The following HS1BP3 variants were observed in gnomAD, a reference collection of about 807,000 sequenced individuals.
HS1BP3 encodes the protein HCLS1-binding protein 3.
HS1BP3 carries 32 observed loss-of-function variants against 33.5 expected under a neutral mutation model. The ratio of observed to expected loss-of-function variants is 0.95; its 90% CI spans 0.72 to 1.28. The LOEUF is 1.28. Among genes scored for constraint, HS1BP3 ranks in the 50% most tolerant of loss-of-function variants. HS1BP3 has a pLI of 0.00. For missense variants in HS1BP3, 486 were observed against 502.3 expected, an observed-to-expected ratio of 0.97 and a Z score of 0.31; for synonymous variants, 187 against 209.2, an observed-to-expected ratio of 0.89 and a Z score of 0.92.
chr2:20,565,122 G>C (rs1051690692), intron 5 of HS1BP3, among the ~76,000 whole-genome samples: 1 of 152,190 alleles, frequency 6.6e-6, no homozygotes, highest in Non-Finnish European at 1.5e-5. Context: ...AACAGTCTCT[G>C]TGGGAAGACA....
intron 3 of HS1BP3, chr2:20,598,108 G>A (rs1693984813): frequency 6.0e-6 from 1 of 165,968 alleles, no homozygotes; most frequent in African/African-American, 2.4e-5. Flanking sequence ...TGGAGATGGA[G>A]GGATGGTTTC....
At chr2:20,569,534 T>C (rs1316787265) in intron 5 of HS1BP3, among the ~76,000 whole-genome samples, 7 of 152,254 alleles carry the variant, frequency 4.6e-5, no homozygotes, top group African/African-American at 7.2e-5. Context: ...CAGGCAATAT[T>C]TGAAACATAC....
the HS1BP3 span, among the ~76,000 whole-genome samples, chr2:20,554,676 C>T: frequency 6.7e-6 from 1 of 149,660 alleles, no homozygotes; most frequent in Non-Finnish European, 1.5e-5. Context: ...TGCACTCAAG[C>T]CTGAACAACA....
chr2:20,570,091 C>T (rs192627557), intron 5 of HS1BP3, among the ~76,000 whole-genome samples: 14 of 152,312 alleles, frequency 9.2e-5, no homozygotes, highest in African/African-American at 2.6e-4. Flanking sequence ...CCCCTAACCC[C>T]GGCCACAAGC....
chr2:20,646,803 G>A (rs1036110518), intron 1 of HS1BP3, among the ~76,000 whole-genome samples: 4 of 152,206 alleles, frequency 2.6e-5, no homozygotes, highest in South Asian at 2.1e-4. Flanking sequence ...GAGGGGAGAC[G>A]CGCTGGGCTC....
intron 5 of HS1BP3, among the ~76,000 whole-genome samples, chr2:20,580,303 C>T (rs1366866161): frequency 6.6e-6 from 1 of 152,162 alleles, no homozygotes; most frequent in Non-Finnish European, 1.5e-5. Context: ...TGGATTGCCT[C>T]AGCTCAGAAG....
chr2:20,610,114 C>G (rs1345945520), intron 2 of HS1BP3, among the ~76,000 whole-genome samples: 1 of 152,074 alleles, frequency 6.6e-6, no homozygotes, highest in South Asian at 2.1e-4. Context: ...TACAAAGTCC[C>G]CACATGCCTC....
chr2:20,563,206 C>T (rs138683343), intron 5 of HS1BP3, among the ~76,000 whole-genome samples: 1 of 152,358 alleles, frequency 6.6e-6, no homozygotes, highest in East Asian at 1.9e-4. Flanking sequence ...TCCTCACCTG[C>T]TCTGAACCCC....
chr2:20,606,533 C>T lies in HS1BP3; in HGVS notation c.179-8268G>A, dbSNP rs78772179. ...CAAAACTAAGTTATTGGGCTTGTCC[C>T]GAACTATGTCTTTGGAGCACTTCTT... On this transcript the variant is annotated intron_variant, in intron 2 of 3. Coordinates refer to the HS1BP3 transcript ENST00000415264. The T allele has an allele frequency of 2.9e-3, 1,387 of 479,232 alleles. 10 individuals carry two copies. Among genetic ancestry groups the T allele is most frequent in the African/African-American group, 0.023 (1,177 of 50,650 alleles). 29.7% of individuals were successfully genotyped at this position (479,232 alleles called of 1,614,324 possible).
At chr2:20,644,211 C>T (rs1695448880) in intron 2 of HS1BP3, among the ~76,000 whole-genome samples, 1 of 152,142 alleles carries the variant, frequency 6.6e-6, no homozygotes, top group Non-Finnish European at 1.5e-5. Flanking sequence ...GATCTCAACC[C>T]TCTTGAAATT....
At position 20,624,045 on chromosome 2, in the gene HS1BP3, G is replaced by C; in HGVS notation, c.785-14C>G. ...ATAGCTTCAGGGCTGTGGGAAGGCAGCAGCAGGGGGGTCAGAGGAAGCCTC... is the reference window on the plus strand; with the variant it reads ...ATAGCTTCAGGGCTGTGGGAAGGCACCAGCAGGGGGGTCAGAGGAAGCCTC... On this transcript the variant is annotated splice_polypyrimidine_tract_variant and intron_variant, in intron 5 of 6. Coordinates refer to ENST00000304031, the MANE Select transcript of HS1BP3 (RefSeq NM_022460.4). The C allele has an allele frequency of 6.2e-7, 1 of 1,610,156 alleles. No individual in the cohort carries two copies. The highest frequency in any genetic ancestry group is 1.7e-5 in the Admixed American group (1 of 59,692).
chr2:20,583,497 A>G (rs766739336), intron 5 of HS1BP3, among the ~76,000 whole-genome samples: 1 of 152,186 alleles, frequency 6.6e-6, no homozygotes, highest in Non-Finnish European at 1.5e-5. Context: ...ACGCTGCTGG[A>G]TTCTTGAGTT....
intron 4 of HS1BP3, 109 bp from the exon 5 acceptor site, chr2:20,625,001 T>A: frequency 7.4e-7 from 1 of 1,350,294 alleles, no homozygotes; most frequent in Non-Finnish European, 1.0e-6. Flanking sequence ...CTGGATGCCA[T>A]GGGCCAGAAA....
At chr2:20,617,434 G>C (rs1020622821), downstream of HS1BP3, among the ~76,000 whole-genome samples, 13 of 152,142 alleles carry the variant, frequency 8.5e-5, no homozygotes, top group Admixed American at 6.5e-5. Flanking sequence ...GTCAGCTCTC[G>C]ACCCCAAAAC....
chr2:20,554,579 C>G, the HS1BP3 span, among the ~76,000 whole-genome samples: 19 of 152,046 alleles, frequency 1.2e-4, no homozygotes, highest in African/African-American at 4.3e-4. Flanking sequence ...AAAAATTGGC[C>G]GGGCGTGGTG....
At chr2:20,650,319 G>A (rs1243346740) in intron 1 of HS1BP3, among the ~76,000 whole-genome samples, 1 of 152,198 alleles carries the variant, frequency 6.6e-6, no homozygotes, top group Non-Finnish European at 1.5e-5. Flanking sequence ...TTTTAAAGGC[G>A]GAAAGAAGTA....
chr2:20,649,877 A>T (rs1407832600), intron 1 of HS1BP3, among the ~76,000 whole-genome samples: 1 of 152,148 alleles, frequency 6.6e-6, no homozygotes, highest in South Asian at 2.1e-4. Context: ...GAGGGAAGCC[A>T]CCCACCCCAT....
intron 5 of HS1BP3, among the ~76,000 whole-genome samples, chr2:20,572,941 C>G (rs1444425485): frequency 6.6e-6 from 1 of 152,230 alleles, no homozygotes; most frequent in Non-Finnish European, 1.5e-5. Flanking sequence ...GCCCATCACT[C>G]TGTGGTCCCC....
rs115819334 is a variant in HS1BP3 at position 20,563,554 on chromosome 2, T to C, written c.303-3039A>G. Among the ~76,000 whole-genome samples, 1,237 of 152,162 alleles carry C rather than the reference T, an allele frequency of 8.1e-3. 17 individuals are homozygous for C. The highest frequency in any genetic ancestry group is 0.029 in the African/African-American group (1,195 of 41,516). The stretch of plus-strand genomic sequence containing the variant: ...CCAGGTGTGGAGGGGCAGGGGGTGG[T>C]CCACCATGGTGGAGCTGCCCTCCTA... On this transcript the variant is annotated intron_variant, in intron 5 of 5. Transcript: ENST00000446825.
Sources: gnomAD v4.1 joint callset for allele counts (sites outside exome capture counted in the v4.1 genomes callset) on GRCh38, gnomAD v4.1.1 for gene constraint, MANE v1.5 for transcripts, NCBI Gene and HGNC (gene_info 2026-07-23, HGNC 2026-07-21) for gene names.